SORL1: variants seen among roughly 807,000 people sequenced by gnomAD.
SORL1 encodes the protein sortilin-related receptor.
SORL1 carries 127 observed loss-of-function variants against 273.7 expected under a neutral mutation model. The observed-to-expected ratio is 0.46, with a 90% CI of 0.40 to 0.54. The LOEUF is 0.54. SORL1 is among the 20% of genes least tolerant of loss of function. The pLI is 0.00. For synonymous variants in SORL1, 1,031 were observed against 1,067.4 expected (o/e 0.97, Z 0.66); for missense variants, 2,494 against 2,846.1 (o/e 0.88, Z 2.81).
intron 4 of SORL1, 85 bp downstream of exon 4, chr11:121,488,278 C>G: frequency 7.4e-7 from 1 of 1,350,312 alleles, no homozygotes; most frequent in East Asian, 2.3e-5. Flanking sequence ...TTTGAGTGAC[C>G]TCGCCTCCTG....
intron 3 of SORL1, among the ~76,000 whole-genome samples, chr11:121,479,403 G>T (rs1004268107): frequency 1.3e-5 from 2 of 152,194 alleles, no homozygotes; most frequent in Non-Finnish European, 2.9e-5. Flanking sequence ...AGTAGCAAAA[G>T]CTTTCTGCTC....
At chr11:121,489,420 C>T (rs1306043802) in intron 4 of SORL1, among the ~76,000 whole-genome samples, 1 of 152,222 alleles carries the variant, frequency 6.6e-6, no homozygotes, top group Non-Finnish European at 1.5e-5. Context: ...CACCATTCTA[C>T]TTTCTGTCTC....
chr11:121,488,080 T>G lies in SORL1; in HGVS notation c.577T>G (p.Phe193Val). Residue 193 changes from phenylalanine (F) to valine (V), a missense_variant, in exon 4 of 48, where the codon TTC (phenylalanine) becomes GTC (valine). This residue lies in a region of SORL1 where 710 missense variants were observed against 882.5 expected (regional missense o/e 0.80). Transcript: ENST00000260197. ...YAQYLWITFD[F>V]CNTLQGFSIP... Reference sequence around the variant, plus strand: ...CCAGTACCTCTGGATCACGTTTGACTTCTGCAACACTCTTCAAGGCTTTTC... The same window carrying G: ...CCAGTACCTCTGGATCACGTTTGACGTCTGCAACACTCTTCAAGGCTTTTC... 1 of 1,614,232 alleles carries G rather than the reference T, an allele frequency of 6.2e-7. No homozygotes were observed. Among genetic ancestry groups the G allele is most frequent in the African/African-American group, 1.3e-5 (1 of 75,066 alleles).
At chr11:121,623,671 G>T (rs1479334214) in intron 45 of SORL1, among the ~76,000 whole-genome samples, 3 of 152,202 alleles carry the variant, frequency 2.0e-5, no homozygotes, top group Admixed American at 2.0e-4. Flanking sequence ...GAGATTCCAG[G>T]CAGGTATTGG....
chr11:121,565,600 T>C (rs1172881663), intron 21 of SORL1, among the ~76,000 whole-genome samples: 1 of 152,230 alleles, frequency 6.6e-6, no homozygotes, highest in Non-Finnish European at 1.5e-5. Flanking sequence ...GAATGAAGAA[T>C]TAGCAATTGA....
intron 1 of SORL1, among the ~76,000 whole-genome samples, chr11:121,464,649 G>T (rs2134773970): frequency 6.6e-6 from 1 of 152,334 alleles, no homozygotes; most frequent in Middle Eastern, 3.4e-3. Flanking sequence ...CAACACTTGT[G>T]GGGTGATATG....
chr11:121,536,355 C>T (rs943743024), intron 12 of SORL1, among the ~76,000 whole-genome samples: 5 of 151,938 alleles, frequency 3.3e-5, no homozygotes, highest in African/African-American at 1.2e-4. Context: ...GGAGAGCCAC[C>T]CCTACTTTAT....
intron 24 of SORL1, among the ~76,000 whole-genome samples, chr11:121,576,569 A>G (rs1862934430): frequency 6.6e-6 from 1 of 152,220 alleles, no homozygotes; most frequent in African/African-American, 2.4e-5. Flanking sequence ...TCCAGAACCG[A>G]GAGAAATAAA....
chr11:121,607,283 C>T lies in SORL1; in HGVS notation c.5159C>T (p.Thr1720Ile). Residue 1720 changes from threonine to isoleucine, a missense_variant, in exon 37 of 48, where the codon ACC (threonine) becomes ATC (isoleucine). Coordinates refer to ENST00000260197, the MANE Select transcript of SORL1 (RefSeq NM_003105.6). The part of the protein sequence containing the change: ...IKNLLVNTLY[T>I]VRVAAVTSRG... Reference sequence around the variant, plus strand: ...AACTTATTGGTCAACACTCTATACACCGTCAGAGTGAGTGTCGTCATCCAT... The same window carrying T: ...AACTTATTGGTCAACACTCTATACATCGTCAGAGTGAGTGTCGTCATCCAT... The T allele has an allele frequency of 6.4e-7, 1 of 1,554,320 alleles. No homozygotes were observed. Among genetic ancestry groups the T allele is most frequent in the East Asian group, 2.2e-5 (1 of 44,550 alleles).
chr11:121,590,327 A>G (rs1863190828), intron 30 of SORL1, 153 bp downstream of exon 30: 1 of 694,840 alleles, frequency 1.4e-6, no homozygotes, highest in African/African-American at 1.8e-5. Context: ...CCTCTTTCTC[A>G]TTTTGAAATA....
intron 6 of SORL1, among the ~76,000 whole-genome samples, chr11:121,503,798 GTTTTGAATTTGGAAAA>G (rs1161307114): frequency 6.6e-6 from 1 of 152,126 alleles, no homozygotes; most frequent in Non-Finnish European, 1.5e-5. Context: ...TCTCTAATAA[GTTTTGAATTTGGAAAA>G]TTTGAACTCT....
At chr11:121,543,048 G>A (rs1020535956) in intron 12 of SORL1, among the ~76,000 whole-genome samples, 5 of 150,898 alleles carry the variant, frequency 3.3e-5, no homozygotes, top group East Asian at 1.9e-4. Context: ...AAAATTAGCC[G>A]GGTGTGGTGG....
intron 2 of SORL1, among the ~76,000 whole-genome samples, chr11:121,475,586 G>A (rs988595917): frequency 2.0e-5 from 3 of 152,184 alleles, no homozygotes; most frequent in African/African-American, 7.2e-5. Context: ...TTCTCTCTGC[G>A]GGCCAGCACT....
chr11:121,585,203 A>T (rs1473436205), intron 26 of SORL1, among the ~76,000 whole-genome samples: 1 of 152,172 alleles, frequency 6.6e-6, no homozygotes, highest in African/African-American at 2.4e-5. Flanking sequence ...ATATACTTAG[A>T]TCAGGTATGG....
At chr11:121,537,028 A>G (rs1862276995) in intron 12 of SORL1, among the ~76,000 whole-genome samples, 1 of 152,194 alleles carries the variant, frequency 6.6e-6, no homozygotes, top group Non-Finnish European at 1.5e-5. Context: ...AGCTGAACCT[A>G]AAAGGATACA....
chr11:121,566,356 CTTTTTTAAATTAAAAAAAAAAATT>C (rs1264143144), intron 21 of SORL1, among the ~76,000 whole-genome samples: 4 of 151,392 alleles, frequency 2.6e-5, no homozygotes, highest in Admixed American at 1.3e-4. Context: ...CATTCTGGTT[CTTTTTTAAATTAAAAAAAAAAATT>C]TTTTTTAAGG....
intron 23 of SORL1, among the ~76,000 whole-genome samples, chr11:121,570,994 A>G (rs568221919): frequency 2.0e-4 from 30 of 152,308 alleles, no homozygotes; most frequent in African/African-American, 7.0e-4. Flanking sequence ...TTTGTCAGTC[A>G]TGCACTCACT....
At chr11:121,463,731 G>A (rs1344741317) in intron 1 of SORL1, among the ~76,000 whole-genome samples, 1 of 152,226 alleles carries the variant, frequency 6.6e-6, no homozygotes, top group Non-Finnish European at 1.5e-5. Flanking sequence ...AGTCAAGTGA[G>A]TGAGCTGAGA....
At chr11:121,456,799 C>T (rs1860912910) in intron 1 of SORL1, among the ~76,000 whole-genome samples, 1 of 152,152 alleles carries the variant, frequency 6.6e-6, no homozygotes, top group Non-Finnish European at 1.5e-5. Flanking sequence ...ATTCAGTGTC[C>T]TGATTTGAGA....
Sources: gnomAD v4.1 joint callset for allele counts (sites outside exome capture counted in the v4.1 genomes callset) on GRCh38, gnomAD v4.1.1 for gene constraint, gnomAD v4.1.1 regional missense constraint, MANE v1.5 for transcripts, NCBI Gene and HGNC (gene_info 2026-07-23, HGNC 2026-07-21) for gene names.